AGAP1: variants seen among roughly 807,000 people sequenced by gnomAD.
AGAP1 encodes the protein ArfGAP with GTPase domain, ankyrin repeat and PH domain 1.
A neutral mutation model predicts 105.3 loss-of-function variants in AGAP1; 29 were observed. That is an observed-to-expected ratio of 0.28 (90% CI 0.21 to 0.38). The LOEUF (loss-of-function observed/expected upper bound fraction) is 0.38, where lower values mean the gene tolerates loss of function less well. AGAP1 is among the 10% of genes least tolerant of loss of function. The pLI is 1.00. For synonymous variants in AGAP1, 509 were observed against 485.9 expected, an observed-to-expected ratio of 1.05 and a Z score of -0.63; for missense variants, 998 against 1,165.1, an observed-to-expected ratio of 0.86 and a Z score of 2.09.
At chr2:235,972,964 A>G (rs889909431) in intron 13 of AGAP1, among the ~76,000 whole-genome samples, 2 of 152,108 alleles carry the variant, frequency 1.3e-5, no homozygotes, top group Non-Finnish European at 2.9e-5. Flanking sequence ...TGTGTGCGAC[A>G]AGGACCCTGC....
intron 12 of AGAP1, among the ~76,000 whole-genome samples, chr2:235,943,190 T>C (rs1048364451): frequency 2.6e-5 from 4 of 152,182 alleles, no homozygotes; most frequent in African/African-American, 7.2e-5. Flanking sequence ...TGTGGTTTGC[T>C]CAGTTCCACA....
chr2:235,560,336 C>T (rs1944106288), intron 1 of AGAP1, among the ~76,000 whole-genome samples: 1 of 152,004 alleles, frequency 6.6e-6, no homozygotes, highest in South Asian at 2.1e-4. Context: ...CCTTTCCCTT[C>T]CCGTCTCCAT....
At position 235,761,838 on chromosome 2, in the gene AGAP1, A is replaced by C. The variant is rs535915401; in HGVS notation, c.673+11350A>C. ...GAATATGGACATAGGCCGGGCGCAC[A>C]GTGGCTCATGCCTGTAATCCCAGCA... On this transcript the variant is annotated intron_variant, in intron 6 of 17. Coordinates refer to ENST00000304032, the MANE Select transcript of AGAP1 (RefSeq NM_001037131.3). Among the ~76,000 whole-genome samples, 16 of 152,176 alleles carry C rather than the reference A, an allele frequency of 1.1e-4. No homozygotes were observed. The South Asian group carries it at 3.3e-3, about 32-fold the overall frequency.
chr2:236,060,949 G>T (rs1368121488), intron 16 of AGAP1, among the ~76,000 whole-genome samples: 1 of 152,130 alleles, frequency 6.6e-6, no homozygotes, highest in East Asian at 1.9e-4. Flanking sequence ...TGTAGTCCCA[G>T]CTACCTGGGA....
At chr2:235,763,989 T>TGC (rs141322604) in intron 6 of AGAP1, among the ~76,000 whole-genome samples, 5 of 142,822 alleles carry the variant, frequency 3.5e-5, no homozygotes, top group African/African-American at 1.2e-4. Flanking sequence ...AAGATCTGTG[T>TGC]GTGGCTGTGA....
intron 13 of AGAP1, among the ~76,000 whole-genome samples, chr2:236,021,821 G>C (rs2056893752): frequency 2.0e-5 from 3 of 152,106 alleles, no homozygotes; most frequent in African/African-American, 7.2e-5. Context: ...CACTTTGGGA[G>C]GCTGAGGTGG....
chr2:235,745,764 G>T (rs1010928089), intron 5 of AGAP1, among the ~76,000 whole-genome samples: 2 of 152,192 alleles, frequency 1.3e-5, no homozygotes, highest in Admixed American at 1.3e-4. Context: ...GTAGGAGGTT[G>T]CCCAGGCAGA....
intron 1 of AGAP1, among the ~76,000 whole-genome samples, chr2:235,707,473 C>CCG: frequency 6.7e-5 from 1 of 14,944 alleles, no homozygotes; most frequent in African/African-American, 4.1e-4. Flanking sequence ...CTCCCCATGA[C>CCG]CCCCCCCCCC....
chr2:235,870,053 C>T lies in AGAP1; in HGVS notation c.1051-13292C>T, dbSNP rs111555410. ...GTGATCACACAGGATATGAGCACCACGGGGGATGAGGGGGCTGGTTTTTGT... is the reference window on the plus strand; with the variant it reads ...GTGATCACACAGGATATGAGCACCATGGGGGATGAGGGGGCTGGTTTTTGT... On this transcript the variant is annotated intron_variant, in intron 9 of 17. Transcript: ENST00000304032. Among the ~76,000 whole-genome samples, 18 of 152,246 alleles carry T rather than the reference C, an allele frequency of 1.2e-4. No individual in the cohort carries two copies. The South Asian group carries it at 2.7e-3, about 23-fold the overall frequency.
rs761382051 is a variant in AGAP1, at chr2:235,865,417, C to A, written c.1051-17928C>A. Among the ~76,000 whole-genome samples, 3 of 152,206 alleles carry A rather than the reference C, an allele frequency of 2.0e-5. No homozygotes were observed. Among genetic ancestry groups the A allele is most frequent in the Non-Finnish European group, 4.4e-5 (3 of 68,036 alleles). On this transcript the variant is annotated intron_variant, in intron 9 of 17. Transcript: ENST00000304032. This position sits in a 1 kb window ranked among gnomAD's most constrained non-coding sequence, Gnocchi z 6.2. ...GTAACACGTGTGGCGCCGACCCCGC[C>A]GTGCGCAATCGGGGCTTTATACGAT... is the stretch of plus-strand genomic sequence containing the variant.
chr2:235,503,025 T>TA (rs1941632736), intron 1 of AGAP1, among the ~76,000 whole-genome samples: 1 of 152,178 alleles, frequency 6.6e-6, no homozygotes, highest in South Asian at 2.1e-4. Flanking sequence ...AAACATTTTT[T>TA]AAAAAATTTA....
At position 235,552,813 on chromosome 2, in the gene AGAP1, G is replaced by A. The variant is rs1337010493; in HGVS notation, c.163+57964G>A. ...GCTGCAGAATGCAGTGCCTGACAGA[G>A]TGTGATGGGCCCCATCTCTCTCTGC... On this transcript the variant is annotated intron_variant, in intron 1 of 17. Coordinates refer to ENST00000304032, the MANE Select transcript of AGAP1 (RefSeq NM_001037131.3). This position sits in a 1 kb window ranked among gnomAD's most constrained non-coding sequence, Gnocchi z 5.9. Among the ~76,000 whole-genome samples, 2 of 152,214 alleles carry A rather than the reference G, an allele frequency of 1.3e-5. No homozygotes were observed. Among genetic ancestry groups the A allele is most frequent in the Admixed American group, 6.5e-5 (1 of 15,292 alleles).
At position 235,981,005 on chromosome 2, in the gene AGAP1, C is replaced by G. The variant is rs1439889061; in HGVS notation, c.1645+12382C>G. 6.6e-6 allele frequency among the ~76,000 whole-genome samples: 1 copy of G among 152,174 alleles called. No homozygotes were observed. The highest frequency in any genetic ancestry group is 1.5e-5 in the Non-Finnish European group (1 of 68,038). On this transcript the variant is annotated intron_variant, in intron 13 of 17. Coordinates refer to ENST00000304032, the MANE Select transcript of AGAP1 (RefSeq NM_001037131.3). The surrounding 1 kb of genome is among the most constrained non-coding windows in gnomAD (Gnocchi z 5.5). ...GCCTCCTCCTGTTATGCTCTTAATT[C>G]TGATTCTTGTCTTACGGATTGTCTT... is the stretch of plus-strand genomic sequence containing the variant.
chr2:235,544,753 T>A (rs531151925), intron 1 of AGAP1, among the ~76,000 whole-genome samples: 1 of 152,298 alleles, frequency 6.6e-6, no homozygotes, highest in African/African-American at 2.4e-5. Context: ...ACACTGCAAC[T>A]GTCAAACTCG....
At chr2:235,519,699 G>A (rs536133896) in intron 1 of AGAP1, among the ~76,000 whole-genome samples, 2 of 152,236 alleles carry the variant, frequency 1.3e-5, no homozygotes, top group South Asian at 2.1e-4. Flanking sequence ...TAGAATAAGC[G>A]TAATGATCTC....
At chr2:235,914,158 A>T (rs1486662022) in intron 11 of AGAP1, among the ~76,000 whole-genome samples, 1 of 152,110 alleles carries the variant, frequency 6.6e-6, no homozygotes, top group Non-Finnish European at 1.5e-5. Context: ...TGTTAGTTGG[A>T]ATAGCTACTG....
Position 236,120,519 on chromosome 2 carries a change from G to A in AGAP1, c.2370+72G>A, listed in dbSNP as rs13021559. Reference sequence around the variant, plus strand: ...TCTCTGCTTTGTTCTGCTTCCGTGGGCATCTTTCTGGCAGAAGGCTGTTGT... The same window carrying A: ...TCTCTGCTTTGTTCTGCTTCCGTGGACATCTTTCTGGCAGAAGGCTGTTGT... On this transcript the variant is annotated intron_variant, in intron 17 of 17. Coordinates refer to ENST00000304032, the MANE Select transcript of AGAP1 (RefSeq NM_001037131.3). This position sits in a 1 kb window ranked among gnomAD's most constrained non-coding sequence, Gnocchi z 6.0. 148,875 of 1,583,180 alleles carry A rather than the reference G, an allele frequency of 0.094. 7,938 individuals are homozygous for A. The highest frequency in any genetic ancestry group is 0.15 in the Middle Eastern group (635 of 4,374).
rs1391597338 is a variant in AGAP1, at chr2:236,073,553, G to T, written c.2114+24272G>T. On this transcript the variant is annotated intron_variant, in intron 16 of 17. Coordinates refer to ENST00000304032, the MANE Select transcript of AGAP1 (RefSeq NM_001037131.3). This position sits in a 1 kb window ranked among gnomAD's most constrained non-coding sequence, Gnocchi z 5.4. ...CATCTTGGTGTTGCGCCAGTCAGGA[G>T]TAATTGTTGTAAGTTAGGCTTTGAC... Among the ~76,000 whole-genome samples, 2 of 152,156 alleles carry T rather than the reference G, an allele frequency of 1.3e-5. No homozygotes were observed. The highest frequency in any genetic ancestry group is 1.3e-4 in the Admixed American group (2 of 15,284).
chr2:235,730,704 C>G lies in AGAP1; in HGVS notation c.311-10259C>G, dbSNP rs577480369. Among the ~76,000 whole-genome samples the G allele has an allele frequency of 2.0e-5, 3 of 152,178 alleles. No homozygotes were observed. The East Asian group carries it at 5.8e-4, about 29-fold the overall frequency. ...TTAAAAATCATTTTCCTCCCAAGAA[C>G]CAAACGTGTATTACTAAATATGTTT... On this transcript the variant is annotated intron_variant, in intron 3 of 17. Coordinates refer to ENST00000304032, the MANE Select transcript of AGAP1 (RefSeq NM_001037131.3).
Sources: gnomAD v4.1 joint callset for allele counts (sites outside exome capture counted in the v4.1 genomes callset) on GRCh38, gnomAD v4.1.1 for gene constraint, Gnocchi (gnomAD v3.1) non-coding constraint, MANE v1.5 for transcripts, NCBI Gene and HGNC (gene_info 2026-07-23, HGNC 2026-07-21) for gene names.